The following SKAP2 variants were observed in gnomAD, a reference collection of about 807,000 sequenced individuals.
SKAP2 encodes the protein src kinase-associated phosphoprotein 2.
In SKAP2, 28 loss-of-function variants were observed where a neutral mutation model predicts 54.9. The ratio of observed to expected loss-of-function variants is 0.51; its 90% CI spans 0.38 to 0.70. The LOEUF is 0.70. Among genes scored for constraint, SKAP2 ranks in the 30% least tolerant of loss-of-function variants. SKAP2 has a pLI of 0.00. For synonymous variants in SKAP2, 137 were observed against 134.3 expected, an observed-to-expected ratio of 1.02 and a Z score of -0.14; for missense variants, 356 against 424.1, an observed-to-expected ratio of 0.84 and a Z score of 1.41.
At chr7:26,746,854 T>C (rs1010252476) in intron 4 of SKAP2, among the ~76,000 whole-genome samples, 2 of 152,186 alleles carry the variant, frequency 1.3e-5, no homozygotes, top group Non-Finnish European at 2.9e-5. Context: ...CAACATATTT[T>C]TTGTAGAACA....
intron 4 of SKAP2, among the ~76,000 whole-genome samples, chr7:26,840,399 A>G (rs1784796642): frequency 6.6e-6 from 1 of 152,128 alleles, no homozygotes; most frequent in Admixed American, 6.6e-5. Context: ...AGTGCTATAT[A>G]GTTAGAAGCT....
intron 4 of SKAP2, among the ~76,000 whole-genome samples, chr7:26,774,032 G>A (rs775771857): frequency 1.5e-4 from 23 of 152,130 alleles, no homozygotes; most frequent in Non-Finnish European, 2.6e-4. Context: ...AAGCCTATTG[G>A]CAGGACATGG....
rs1177842558 is a variant in SKAP2, at chr7:26,773,163, C to T, written c.308-33199G>A. Among the ~76,000 whole-genome samples, 3 of 152,214 alleles carry T rather than the reference C, an allele frequency of 2.0e-5. No individual in the cohort carries two copies. In the East Asian group the frequency reaches 5.8e-4, roughly 29 times the overall value. The stretch of plus-strand genomic sequence containing the variant: ...AATTATGTAGGTCTACAACTAGCAG[C>T]CACACAACATTACTGCATGCACCCT... On this transcript the variant is annotated intron_variant, in intron 4 of 12. Transcript: ENST00000345317.
At chr7:26,663,221 C>G (rs960507812), downstream of SKAP2, among the ~76,000 whole-genome samples, 6 of 152,068 alleles carry the variant, frequency 3.9e-5, no homozygotes, top group African/African-American at 1.4e-4. Context: ...GGCTATAAGA[C>G]AGTCAGTACT....
intron 4 of SKAP2, 113 bp from the exon 5 acceptor site, chr7:26,740,077 T>C: frequency 1.6e-6 from 1 of 621,598 alleles, no homozygotes; most frequent in Non-Finnish European, 2.8e-6. Context: ...ATTGTTTAAA[T>C]CTAAGTCTAT....
At chr7:26,847,796 A>G (rs866069582) in intron 3 of SKAP2, among the ~76,000 whole-genome samples, 2 of 152,206 alleles carry the variant, frequency 1.3e-5, no homozygotes, top group African/African-American at 2.4e-5. Flanking sequence ...GTTTAAAAAT[A>G]CTTCTTTGTA....
chr7:26,741,143 T>C (rs910022466), intron 4 of SKAP2, among the ~76,000 whole-genome samples: 5 of 152,244 alleles, frequency 3.3e-5, no homozygotes, highest in East Asian at 1.9e-4. Flanking sequence ...AGTACAAACA[T>C]GTAATTAGAA....
intron 3 of SKAP2, among the ~76,000 whole-genome samples, chr7:26,848,403 A>G (rs1442756111): frequency 6.6e-6 from 1 of 152,206 alleles, no homozygotes; most frequent in Non-Finnish European, 1.5e-5. Flanking sequence ...TTCCATGCCT[A>G]ACATCTTTGC....
At chr7:26,754,360 TCACA>T (rs59297270) in intron 4 of SKAP2, among the ~76,000 whole-genome samples, 22 of 137,940 alleles carry the variant, frequency 1.6e-4, no homozygotes, top group African/African-American at 3.3e-4. Flanking sequence ...TGAGACTCCG[TCACA>T]CACACACACA....
At chr7:26,736,346 G>A (rs757950881) in intron 6 of SKAP2, among the ~76,000 whole-genome samples, 12 of 152,132 alleles carry the variant, frequency 7.9e-5, no homozygotes, top group African/African-American at 2.4e-4. Context: ...TAATTATAAC[G>A]CATTAGCATG....
intron 6 of SKAP2, 91 bp from the exon 7 acceptor site, chr7:26,727,097 A>G: frequency 8.9e-7 from 1 of 1,117,526 alleles, no homozygotes; most frequent in South Asian, 1.8e-5. Context: ...ATTCTTGGAA[A>G]TAACATTTTT....
At chr7:26,822,340 C>T (rs7785918) in intron 4 of SKAP2, among the ~76,000 whole-genome samples, 32,333 of 152,046 alleles carry the variant, frequency 0.21, 3,510 homozygotes, top group Non-Finnish European at 0.24. Flanking sequence ...GTAATTCTTA[C>T]AATATTTCAA....
intron 4 of SKAP2, among the ~76,000 whole-genome samples, chr7:26,763,825 AC>A (rs1347387281): frequency 1.3e-5 from 2 of 152,130 alleles, no homozygotes; most frequent in Non-Finnish European, 2.9e-5. Context: ...TAGGCTACAA[AC>A]CCCCTATAGC....
At chr7:26,658,025 G>A in the SKAP2 span, among the ~76,000 whole-genome samples, 1 of 152,114 alleles carries the variant, frequency 6.6e-6, no homozygotes, top group African/African-American at 2.4e-5. Flanking sequence ...GAGAAAACGG[G>A]TAATTGTGCT....
the SKAP2 span, among the ~76,000 whole-genome samples, chr7:26,661,853 G>A: frequency 1.3e-5 from 2 of 152,066 alleles, no homozygotes; most frequent in African/African-American, 2.4e-5. Context: ...ATCTTTAAAT[G>A]CAGGAAAGCC....
At chr7:26,743,238 C>T in intron 4 of SKAP2, among the ~76,000 whole-genome samples, 1 of 152,144 alleles carries the variant, frequency 6.6e-6, no homozygotes, top group East Asian at 1.9e-4. Flanking sequence ...TAGTCCTTTG[C>T]ACATAGTAGG....
intron 4 of SKAP2, among the ~76,000 whole-genome samples, chr7:26,826,488 T>C (rs73683564): frequency 9.2e-4 from 140 of 152,320 alleles, no homozygotes; most frequent in African/African-American, 3.2e-3. Context: ...GGGTTTCTTT[T>C]TCTGTCCTGT....
chr7:26,689,845 C>T (rs1786742912), intron 10 of SKAP2, among the ~76,000 whole-genome samples: 1 of 152,090 alleles, frequency 6.6e-6, no homozygotes, highest in Non-Finnish European at 1.5e-5. Context: ...CTTGTTGTCC[C>T]CTGTTAGTCT....
intron 9 of SKAP2, among the ~76,000 whole-genome samples, chr7:26,691,240 T>C (rs1443166578): frequency 6.6e-6 from 1 of 152,058 alleles, no homozygotes; most frequent in African/African-American, 2.4e-5. Flanking sequence ...TGCAAAGAAA[T>C]AAGATAAAAT....
Sources: allele counts gnomAD v4.1 joint callset (sites outside exome capture counted in the v4.1 genomes callset), GRCh38; gene constraint gnomAD v4.1.1; transcripts MANE v1.5; gene names NCBI Gene and HGNC (gene_info 2026-07-23, HGNC 2026-07-21).